ACSS3: variants seen among roughly 807,000 people sequenced by gnomAD.
The protein encoded by ACSS3 is acyl-CoA synthetase short chain family member 3, also known as acyl-CoA synthetase short-chain family member 3, mitochondrial.
ACSS3 carries 64 observed loss-of-function variants against 84.2 expected under a neutral mutation model. The ratio of observed to expected loss-of-function variants is 0.76; its 90% CI spans 0.62 to 0.94. The LOEUF (loss-of-function observed/expected upper bound fraction) is 0.94, where lower values mean the gene tolerates loss of function less well. Among genes scored for constraint, ACSS3 ranks in the 40% least tolerant of loss-of-function variants. ACSS3 has a pLI of 0.00. For synonymous variants in ACSS3, 317 were observed against 310.1 expected (o/e 1.02, Z -0.23); for missense variants, 815 against 867.6 (o/e 0.94, Z 0.76).
intron 13 of ACSS3, among the ~76,000 whole-genome samples, chr12:81,249,466 T>A (rs909110525): frequency 6.6e-6 from 1 of 152,084 alleles, no homozygotes; most frequent in African/African-American, 2.4e-5. Flanking sequence ...ACGGTTCACA[T>A]GCCTTTTGCC....
rs997210633 is a variant in ACSS3 at position 81,238,174 on chromosome 12, A to G, written c.1719+4703A>G. ...TGCGATGGATTACTTTGATTATTGAATTTCGAACCAGCTTTGTATACCTGG... is the reference window on the plus strand; with the variant it reads ...TGCGATGGATTACTTTGATTATTGAGTTTCGAACCAGCTTTGTATACCTGG... On this transcript the variant is annotated intron_variant, in intron 13 of 15. Transcript: ENST00000548058. 2.6e-5 allele frequency among the ~76,000 whole-genome samples: 4 copies of G among 151,718 alleles called. No individual in the cohort carries two copies. In the South Asian group the frequency reaches 6.2e-4, roughly 24 times the overall value.
intron 13 of ACSS3, among the ~76,000 whole-genome samples, chr12:81,234,962 A>C (rs2033582791): frequency 2.0e-5 from 3 of 151,304 alleles, no homozygotes; most frequent in Admixed American, 1.3e-4. Flanking sequence ...TATTGTATAT[A>C]AAAATGCTTT....
At chr12:81,224,228 T>A (rs1225132589) in intron 11 of ACSS3, among the ~76,000 whole-genome samples, 2 of 151,856 alleles carry the variant, frequency 1.3e-5, no homozygotes, top group African/African-American at 4.8e-5. Flanking sequence ...TCTTAGTATT[T>A]TTGCATCTTT....
intron 11 of ACSS3, among the ~76,000 whole-genome samples, chr12:81,227,695 T>C (rs1565732164): frequency 6.6e-6 from 1 of 151,864 alleles, no homozygotes; most frequent in East Asian, 1.9e-4. Context: ...TAGATCAGTT[T>C]CTGCATGTCA....
rs1237582956 is a variant in ACSS3 at position 81,078,135 on chromosome 12, G to T, written c.15G>T (p.Trp5Cys). ...GGCCGGAGGAGATGAAACCGTCTTG[G>T]CTGCAGTGTCGTAAAGTCACCAGCG... MKPS[W>C]LQCRKVTSAG... The change falls in exon 1 of 16, where the codon TGG (tryptophan) becomes TGT (cysteine). Residue 5 changes from tryptophan (W) to cysteine (C), a missense_variant. Trp to Cys is a radical substitution (Grantham distance 215). Transcript: ENST00000548058. The T allele has an allele frequency of 6.7e-7, 1 of 1,490,684 alleles. No individual in the cohort carries two copies. The highest frequency in any genetic ancestry group is 2.5e-5 in the East Asian group (1 of 40,736). 92.3% of individuals were successfully genotyped at this position (1,490,684 alleles called of 1,614,324 possible). A position where few individuals can be genotyped will look rare whatever the true frequency, so the allele number is the denominator to read the frequency against.
In ACSS3 at chr12:81,196,649, G is replaced by A. The variant is rs558604108; in HGVS notation, c.1251-2692G>A. Among the ~76,000 whole-genome samples the A allele has an allele frequency of 7.0e-4, 107 of 152,012 alleles. 1 individual carries two copies. The highest frequency in any genetic ancestry group is 1.2e-3 in the Non-Finnish European group (81 of 67,988). ...TTTATATAGAAAAGAGATGTATTTC[G>A]GCTCATGGGTCTGCAGACTGTACAA... On this transcript the variant is annotated intron_variant, in intron 8 of 15. Coordinates refer to ENST00000548058, the MANE Select transcript of ACSS3 (RefSeq NM_024560.4).
chr12:81,130,279 C>T (rs1039744155), intron 2 of ACSS3, among the ~76,000 whole-genome samples: 2 of 152,192 alleles, frequency 1.3e-5, no homozygotes, highest in African/African-American at 2.4e-5. Context: ...ACATCCTGTC[C>T]AGCACCTGTT....
chr12:81,200,903 A>G (rs1327942171), intron 9 of ACSS3, among the ~76,000 whole-genome samples: 8 of 151,514 alleles, frequency 5.3e-5, no homozygotes, highest in South Asian at 2.1e-4. Context: ...AAAAAAAAAA[A>G]AAAGAAAAAG....
chr12:81,182,063 G>T (rs1159013030), intron 8 of ACSS3, among the ~76,000 whole-genome samples: 2 of 152,020 alleles, frequency 1.3e-5, no homozygotes, highest in Non-Finnish European at 2.9e-5. Context: ...TCCCTAAAGC[G>T]CACAGATCCC....
Position 81,216,164 on chromosome 12 carries a change from T to C in ACSS3, c.1355-737T>C, listed in dbSNP as rs12820197. 3.8e-3 allele frequency among the ~76,000 whole-genome samples: 580 copies of C among 151,412 alleles called. 3 individuals are homozygous for C. Among genetic ancestry groups the C allele is most frequent in the Admixed American group, 4.9e-3 (75 of 15,184 alleles). On this transcript the variant is annotated intron_variant, in intron 9 of 15. Coordinates refer to ENST00000548058, the MANE Select transcript of ACSS3 (RefSeq NM_024560.4). ...TTTATAAAGACATTTTATTAAAATG[T>C]TTTTTTCTGTGTGTAATCTTTTTTT...
intron 13 of ACSS3, among the ~76,000 whole-genome samples, chr12:81,234,764 C>T (rs2033576395): frequency 6.6e-6 from 1 of 150,924 alleles, no homozygotes; most frequent in Non-Finnish European, 1.5e-5. Flanking sequence ...TTTTATTGTT[C>T]AGTTTTGTAA....
At chr12:81,179,382 A>G (rs1236531185) in intron 8 of ACSS3, among the ~76,000 whole-genome samples, 1 of 151,812 alleles carries the variant, frequency 6.6e-6, no homozygotes, top group African/African-American at 2.4e-5. Context: ...CTATCAACAG[A>G]GTAAACAGAC....
At chr12:81,161,158 T>C (rs893324403) in intron 7 of ACSS3, among the ~76,000 whole-genome samples, 1 of 152,258 alleles carries the variant, frequency 6.6e-6, no homozygotes, top group African/African-American at 2.4e-5. Context: ...TCAAAGTCTG[T>C]TTGTCCTCAT....
intron 1 of ACSS3, among the ~76,000 whole-genome samples, chr12:81,102,914 A>G (rs1882645135): frequency 6.6e-6 from 1 of 152,156 alleles, no homozygotes; most frequent in African/African-American, 2.4e-5. Context: ...TGATGATAAT[A>G]TAGATTAATT....
At chr12:81,188,376 A>G (rs1322479295) in intron 8 of ACSS3, among the ~76,000 whole-genome samples, 1 of 152,068 alleles carries the variant, frequency 6.6e-6, no homozygotes, top group Non-Finnish European at 1.5e-5. Flanking sequence ...TTATTGAGGT[A>G]TATATACAGA....
At chr12:81,231,449 G>A (rs908299107) in intron 12 of ACSS3, among the ~76,000 whole-genome samples, 5 of 151,854 alleles carry the variant, frequency 3.3e-5, no homozygotes, top group Admixed American at 2.6e-4. Context: ...CTTTCTGTAT[G>A]TTTCCTCTAC....
intron 2 of ACSS3, among the ~76,000 whole-genome samples, chr12:81,120,687 T>C (rs1234224723): frequency 2.0e-5 from 3 of 152,200 alleles, no homozygotes; most frequent in African/African-American, 7.2e-5. Flanking sequence ...TTGGAAGTTT[T>C]ATGCTCACAT....
intron 12 of ACSS3, among the ~76,000 whole-genome samples, chr12:81,232,511 C>T (rs2033499478): frequency 6.6e-6 from 1 of 151,696 alleles, no homozygotes; most frequent in Non-Finnish European, 1.5e-5. Flanking sequence ...TAGATTGCCT[C>T]TCTAATATTA....
chr12:81,206,444 CT>C (rs2032350858), intron 9 of ACSS3, among the ~76,000 whole-genome samples: 1 of 152,050 alleles, frequency 6.6e-6, no homozygotes, highest in Non-Finnish European at 1.5e-5. Flanking sequence ...TCTGATACAT[CT>C]TTGTTTTTCA....
Sources: allele counts gnomAD v4.1 joint callset (sites outside exome capture counted in the v4.1 genomes callset), GRCh38; gene constraint gnomAD v4.1.1; transcripts MANE v1.5; gene names NCBI Gene and HGNC (gene_info 2026-07-23, HGNC 2026-07-21).